Variants in ACSL6 observed in about 807,000 individuals in gnomAD.
ACSL6 encodes the protein acyl-CoA synthetase long chain family member 6.
In ACSL6, 47 loss-of-function variants were observed where a neutral mutation model predicts 98.2. The observed-to-expected ratio is 0.48, with a 90% CI of 0.38 to 0.61. The LOEUF is 0.61. ACSL6 is among the 20% of genes least tolerant of loss of function. The pLI is 0.00. For missense variants in ACSL6, 761 were observed against 913.4 expected, an observed-to-expected ratio of 0.83 and a Z score of 2.15; for synonymous variants, 362 against 336.9, an observed-to-expected ratio of 1.07 and a Z score of -0.82.
intron 20 of ACSL6, among the ~76,000 whole-genome samples, chr5:131,955,383 TG>T (rs549100389): frequency 7.4e-4 from 113 of 152,352 alleles, no homozygotes; most frequent in South Asian, 6.2e-3. Flanking sequence ...TGCTGTTCTT[TG>T]TACCCTATAG....
At chr5:131,994,672 A>G (rs1754701073) in intron 1 of ACSL6, 1 of 250,140 alleles carries the variant, frequency 4.0e-6, no homozygotes, top group Non-Finnish European at 7.8e-6. Context: ...AGGGAAGGGC[A>G]GCAGAAGTGC....
intron 9 of ACSL6, chr5:131,983,998 A>G (rs936747283): frequency 1.3e-5 from 2 of 152,276 alleles, no homozygotes; most frequent in Admixed American, 6.5e-5. Flanking sequence ...CATAGCAGTG[A>G]CCTGCTCCCC....
upstream of ACSL6, chr5:132,011,906 G>A (rs1377008335): frequency 5.1e-6 from 8 of 1,555,934 alleles, no homozygotes; most frequent in Non-Finnish European, 6.9e-6. This position sits in a 1 kb window ranked among gnomAD's most constrained non-coding sequence, Gnocchi z 5.4. Flanking sequence ...GCTCTCCAAC[G>A]TCAGTACCTG....
intron 5 of ACSL6, 112 bp downstream of exon 5, chr5:131,989,293 GTC>G: frequency 9.8e-7 from 1 of 1,022,826 alleles, no homozygotes; most frequent in African/African-American, 1.6e-5. Context: ...TAGCCCAAGG[GTC>G]TCTGTTTTTT....
At chr5:132,004,333 T>C (rs1755263797) in intron 1 of ACSL6, among the ~76,000 whole-genome samples, 1 of 151,938 alleles carries the variant, frequency 6.6e-6, no homozygotes, top group Non-Finnish European at 1.5e-5. Flanking sequence ...CTGTGGAGCA[T>C]GGATGCCACT....
intron 18 of ACSL6, 37 bp downstream of exon 18, chr5:131,962,498 C>T (rs1435434413): frequency 3.8e-6 from 6 of 1,571,918 alleles, no homozygotes; most frequent in Non-Finnish European, 5.2e-6. Flanking sequence ...TCAGCATGCC[C>T]AGGATATGTG....
In ACSL6 at chr5:131,990,718, G is replaced by A. The variant is rs1302181314; in HGVS notation, c.385+135C>T. The A allele has an allele frequency of 4.2e-5, 31 of 740,706 alleles. No individual in the cohort carries two copies. The East Asian group carries it at 5.9e-4, about 14-fold the overall frequency. 45.9% of individuals were successfully genotyped at this position (740,706 alleles called of 1,614,324 possible). ...CTCTGACTGGTGGGAGAAAGGCCAG[G>A]AGTAGCTTCTCTCCACTGAACCTGG... On this transcript the variant is annotated intron_variant, in intron 3 of 20. Transcript: ENST00000651883.
chr5:131,969,519 A>G (rs1398850366), intron 15 of ACSL6, among the ~76,000 whole-genome samples: 2 of 152,172 alleles, frequency 1.3e-5, no homozygotes, highest in Non-Finnish European at 2.9e-5. Context: ...AGTTATGCAC[A>G]AAAGAAGTAA....
chr5:131,985,530 C>G lies in ACSL6; in HGVS notation c.865-72G>C. 4 of 1,521,390 alleles carry G rather than the reference C, an allele frequency of 2.6e-6. No individual in the cohort carries two copies. In the South Asian group the frequency reaches 4.5e-5, roughly 17 times the overall value. The allele number at this position is 1,521,390 out of a possible 1,614,324, so 94.2% of individuals were successfully genotyped here. On this transcript the variant is annotated intron_variant, in intron 8 of 20. Coordinates refer to ENST00000651883, the MANE Select transcript of ACSL6 (RefSeq NM_001009185.3). ...AGCCAGGGCCCAAGATGCCTGGGCT[C>G]CCCAACCAGCCAGGCCCATATGTAT...
rs1367346401 is a variant in ACSL6, at chr5:131,988,148, G to A, written c.731C>T (p.Pro244Leu). The change falls in exon 7 of 21, where the codon CCA becomes CTA. Residue 244 changes from proline to leucine, a missense_variant. By Grantham distance (98) the Pro-to-Leu change is moderately conservative. Coordinates refer to ENST00000651883, the MANE Select transcript of ACSL6 (RefSeq NM_001009185.3). ...CATGAGGATGATCAGCTTGAGGCCTGGAGTCTCCTTCCTCTCCACATGCTC... is the reference window on the plus strand; with the variant it reads ...CATGAGGATGATCAGCTTGAGGCCTAGAGTCTCCTTCCTCTCCACATGCTC... Reference protein sequence around the residue: ...LLEHVERKETPGLKLIILMDP... With the variant: ...LLEHVERKETLGLKLIILMDP... 2.5e-6 allele frequency: 4 copies of A among 1,614,030 alleles called. No individual in the cohort carries two copies. The highest frequency in any genetic ancestry group is 2.7e-5 in the African/African-American group (2 of 74,916).
In ACSL6 at chr5:131,990,169, A is replaced by G; in HGVS notation, c.386-5T>C. 1 of 1,613,934 alleles carries G rather than the reference A, an allele frequency of 6.2e-7. No homozygotes were observed. The highest frequency in any genetic ancestry group is 1.1e-5 in the South Asian group (1 of 91,058). On this transcript the variant is annotated splice_region_variant and splice_polypyrimidine_tract_variant and intron_variant, in intron 3 of 20. Coordinates refer to ENST00000651883, the MANE Select transcript of ACSL6 (RefSeq NM_001009185.3). ...AACCAAGACAGGGCCCATTCCCTGT[A>G]GAGAGATAAGAAAGCCTTGTGTCAG...
At chr5:131,964,133 C>CA (rs1752882432) in intron 17 of ACSL6, among the ~76,000 whole-genome samples, 1 of 152,074 alleles carries the variant, frequency 6.6e-6, no homozygotes, top group Non-Finnish European at 1.5e-5. Context: ...CATACTCTTC[C>CA]AAAAAAATGG....
chr5:131,962,550 A>G lies in ACSL6; in HGVS notation c.1842T>C (p.His614=), dbSNP rs1752765974. 1.9e-6 allele frequency: 3 copies of G among 1,613,974 alleles called. No homozygotes were observed. The highest frequency in any genetic ancestry group is 8.5e-7 in the Non-Finnish European group (1 of 1,179,966). ...GAGGCCTCACCTTTAAGCTGTCCCC[A>G]TGGACATAGATTTGCGCCACAGGTT... ...RSQPVAQIYV[H]GDSLKAFLVG... Residue 614 remains histidine (H), a synonymous_variant, in exon 18 of 21, where the codon CAT becomes CAC. Transcript: ENST00000651883.
chr5:131,962,205 A>G (rs1561776477), intron 18 of ACSL6, among the ~76,000 whole-genome samples: 1 of 152,018 alleles, frequency 6.6e-6, no homozygotes, highest in Non-Finnish European at 1.5e-5. Flanking sequence ...CTGTCTCAAT[A>G]ATAATAATAG....
At chr5:131,970,092 C>A (rs749362915) in intron 15 of ACSL6, 36 bp downstream of exon 15, 1 of 1,604,188 alleles carries the variant, frequency 6.2e-7, no homozygotes, top group Non-Finnish European at 8.5e-7. Flanking sequence ...TCCACAGTGC[C>A]TCGCGAGCCA....
At chr5:132,012,192 C>A (rs1015988888), upstream of ACSL6, 24 of 439,112 alleles carry the variant, frequency 5.5e-5, no homozygotes, top group Middle Eastern at 5.7e-4. Context: ...GCCACCTCTG[C>A]AAACCAGTGA....
At chr5:132,005,730 G>C (rs539880004) in intron 1 of ACSL6, among the ~76,000 whole-genome samples, 2 of 152,326 alleles carry the variant, frequency 1.3e-5, no homozygotes, top group African/African-American at 4.8e-5. Context: ...AACAGTCCAT[G>C]AGTTGGAGGG....
chr5:131,967,668 T>TTAATAA (rs3043871), intron 16 of ACSL6, among the ~76,000 whole-genome samples: 54,318 of 143,890 alleles, frequency 0.38, 12,386 homozygotes, highest in Non-Finnish European at 0.51. Context: ...CCGTCTCAAA[T>TTAATAA]TAATAATAAT....
rs538275881 is a variant in ACSL6, at chr5:131,959,557, A to G, written c.2010T>C (p.Ser670=). The G allele has an allele frequency of 4.0e-5, 65 of 1,614,194 alleles. No individual in the cohort carries two copies. In the African/African-American group the frequency reaches 7.2e-4, roughly 18 times the overall value. The change falls in exon 20 of 21, where the codon AGT becomes AGC. Residue 670 remains serine (S), a synonymous_variant. Coordinates refer to ENST00000651883, the MANE Select transcript of ACSL6 (RefSeq NM_001009185.3). ...TTACCTGCTCAAAAGAATGGAGTCC[A>G]CTTTCTTTTCCTAACCTCACCATAT... ...LEDMVRLGKE[S]GLHSFEQVKA...
Sources: gnomAD v4.1 joint callset for allele counts (sites outside exome capture counted in the v4.1 genomes callset) on GRCh38, gnomAD v4.1.1 for gene constraint, Gnocchi (gnomAD v3.1) non-coding constraint, MANE v1.5 for transcripts, NCBI Gene and HGNC (gene_info 2026-07-23, HGNC 2026-07-21) for gene names.